WDFY4: variants seen among roughly 807,000 people sequenced by gnomAD.
WDFY4 encodes the protein WD repeat- and FYVE domain-containing protein 4.
In WDFY4, 169 loss-of-function variants were observed where a neutral mutation model predicts 351.9. That is an observed-to-expected ratio of 0.48 (90% CI 0.42 to 0.55). WDFY4 has a LOEUF of 0.55. Ranked by LOEUF, WDFY4 falls within the 20% of genes least tolerant of loss-of-function variation. The pLI, the probability that WDFY4 is intolerant of heterozygous loss-of-function variation, is 0.00. For missense variants in WDFY4, 3,803 were observed against 3,935.6 expected (o/e 0.97, Z 0.90); for synonymous variants, 1,622 against 1,574.6 (o/e 1.03, Z -0.71).
At chr10:48,842,233 AG>A (rs1486609355) in intron 39 of WDFY4, among the ~76,000 whole-genome samples, 1 of 151,960 alleles carries the variant, frequency 6.6e-6, no homozygotes, top group Non-Finnish European at 1.5e-5. Context: ...GACTCTGAAT[AG>A]AACTGGCAGA....
intron 2 of WDFY4, among the ~76,000 whole-genome samples, chr10:48,712,257 G>T (rs894134941): frequency 2.6e-5 from 4 of 152,234 alleles, no homozygotes; most frequent in Non-Finnish European, 4.4e-5. Flanking sequence ...ATTTCAATGA[G>T]AAACCATGAG....
chr10:48,778,599 G>T lies in WDFY4; in HGVS notation c.3176-12G>T. The T allele has an allele frequency of 6.5e-7, 1 of 1,549,862 alleles. No individual in the cohort carries two copies. The highest frequency in any genetic ancestry group is 8.7e-7 in the Non-Finnish European group (1 of 1,146,884). On this transcript the variant is annotated splice_polypyrimidine_tract_variant and intron_variant, in intron 17 of 61. Transcript: ENST00000325239. ...GAACAAAGCCTGAGGGCATGCCTGT[G>T]TTCCCACCCAGGTGCCACCAGACCG...
intron 20 of WDFY4, 116 bp from the exon 21 acceptor site, chr10:48,788,414 T>C: frequency 7.8e-7 from 1 of 1,280,986 alleles, no homozygotes; most frequent in Non-Finnish European, 1.1e-6. Context: ...TGTGACAACA[T>C]ACAAACATCC....
chr10:48,929,374 G>A (rs1839849124), intron 47 of WDFY4, among the ~76,000 whole-genome samples: 1 of 152,202 alleles, frequency 6.6e-6, no homozygotes. Flanking sequence ...ATAGCCTCTA[G>A]GCTCCAGCAG....
Position 48,810,702 on chromosome 10 carries a change from G to T in WDFY4, c.5011G>T (p.Glu1671Ter). The T allele has an allele frequency of 6.5e-7, 1 of 1,548,852 alleles. No homozygotes were observed. The highest frequency in any genetic ancestry group is 1.2e-5 in the South Asian group (1 of 83,696). ...RDGLCAGSWVERSTEGVDIVM... is the reference protein window; with the variant it reads ...RDGLCAGSWV ...TGGCCTGTGTGCAGGATCCTGGGTG[G>T]AACGCAGCACTGAGGGCGTGGATAT... The change falls in exon 29 of 62, where the codon GAA (glutamate) becomes TAA (stop). Residue 1671 changes from glutamate (E) to a stop codon, truncating the protein, a stop_gained. Transcript: ENST00000325239. LOFTEE classifies it high-confidence loss of function.
At chr10:48,698,602 G>A (rs947171619) in intron 1 of WDFY4, among the ~76,000 whole-genome samples, 5 of 152,204 alleles carry the variant, frequency 3.3e-5, no homozygotes, top group Non-Finnish European at 5.9e-5. Flanking sequence ...TCTCAGTGGG[G>A]GAGACGGATT....
In WDFY4 at chr10:48,727,457, T is replaced by G; in HGVS notation, c.782-13T>G. 6.4e-7 allele frequency: 1 copy of G among 1,551,184 alleles called. No individual in the cohort carries two copies. The highest frequency in any genetic ancestry group is 1.2e-5 in the South Asian group (1 of 84,018). ...CAAGCTCAGCAGGTCTCTCCTGTGC[T>G]TCCCTCCTGCAGCCACAGACTGTGT... is the stretch of plus-strand genomic sequence containing the variant. On this transcript the variant is annotated splice_polypyrimidine_tract_variant and intron_variant, in intron 6 of 61. Transcript: ENST00000325239.
At chr10:48,734,412 G>A (rs1378852165) in intron 10 of WDFY4, among the ~76,000 whole-genome samples, 1 of 151,868 alleles carries the variant, frequency 6.6e-6, no homozygotes, top group African/African-American at 2.4e-5. Context: ...TTAAAGAAAT[G>A]CAATTTGTTG....
chr10:48,709,602 G>A (rs1437854233), intron 1 of WDFY4, 114 bp from the exon 2 acceptor site: 3 of 886,700 alleles, frequency 3.4e-6, no homozygotes, highest in Non-Finnish European at 5.1e-6. Context: ...CAGATTCTTA[G>A]GGGAACCATT....
intron 43 of WDFY4, among the ~76,000 whole-genome samples, chr10:48,886,672 C>T (rs2671710): frequency 0.61 from 93,483 of 152,042 alleles, 29,141 homozygotes; most frequent in Non-Finnish European, 0.66. Context: ...ACATTTATCT[C>T]TATAAATTAC....
chr10:48,930,757 T>C (rs1839946265), intron 47 of WDFY4, among the ~76,000 whole-genome samples: 1 of 152,090 alleles, frequency 6.6e-6, no homozygotes, highest in Admixed American at 6.5e-5. Context: ...TGTGTAATCA[T>C]AGAATGAAAT....
At chr10:48,943,957 C>T (rs1239637412) in intron 49 of WDFY4, among the ~76,000 whole-genome samples, 1 of 152,160 alleles carries the variant, frequency 6.6e-6, no homozygotes, top group South Asian at 2.1e-4. Flanking sequence ...GTCCTGGATC[C>T]CCCTGTGGAA....
intron 29 of WDFY4, among the ~76,000 whole-genome samples, chr10:48,810,978 C>G (rs2067426077): frequency 6.6e-6 from 1 of 152,158 alleles, no homozygotes; most frequent in Non-Finnish European, 1.5e-5. Context: ...CCTGCTTAGC[C>G]CTGTTCTCCT....
At chr10:48,787,955 T>C (rs2066529925) in intron 20 of WDFY4, among the ~76,000 whole-genome samples, 1 of 124,412 alleles carries the variant, frequency 8.0e-6, no homozygotes, top group Non-Finnish European at 1.6e-5. Context: ...CTTCTTCTTC[T>C]TCTTCTTCTT....
chr10:48,744,998 T>C (rs1217002098), intron 12 of WDFY4, among the ~76,000 whole-genome samples: 1 of 152,216 alleles, frequency 6.6e-6, no homozygotes, highest in African/African-American at 2.4e-5. Flanking sequence ...ACTTTGACTT[T>C]TCCTGTTTCT....
intron 47 of WDFY4, among the ~76,000 whole-genome samples, chr10:48,906,010 G>A (rs900879062): frequency 2.0e-5 from 3 of 152,186 alleles, no homozygotes; most frequent in Non-Finnish European, 4.4e-5. Flanking sequence ...GGCAGTGGTG[G>A]CCCTCAGCCT....
Position 48,931,902 on chromosome 10 carries a change from G to A in WDFY4, c.7587-9904G>A, listed in dbSNP as rs373426588. Among the ~76,000 whole-genome samples the A allele has an allele frequency of 9.2e-5, 14 of 152,270 alleles. No homozygotes were observed. In the East Asian group the frequency reaches 1.5e-3, roughly 17 times the overall value. On this transcript the variant is annotated intron_variant, in intron 47 of 61. Transcript: ENST00000325239. ...TTGAGAATGATGTGGTCAGGACAGG[G>A]CAGCACCCTGGCAGCTTCTAGATAG... is the stretch of plus-strand genomic sequence containing the variant.
chr10:48,978,619 C>A, intron 60 of WDFY4: 2 of 491,036 alleles, frequency 4.1e-6, no homozygotes. Context: ...ATAACCTAAC[C>A]ATAGACACTG....
Position 48,787,809 on chromosome 10 carries a change from C to T in WDFY4, c.3809-721C>T, listed in dbSNP as rs1589608136. Among the ~76,000 whole-genome samples the T allele has an allele frequency of 9.9e-5, 9 of 90,554 alleles. 1 individual carries two copies. In the South Asian group the frequency reaches 2.7e-3, roughly 27 times the overall value. The allele number at this position is 90,554 out of a possible 152,430, so 59.4% of individuals were successfully genotyped here. A position where few individuals can be genotyped will look rare whatever the true frequency, so the allele number is the denominator to read the frequency against. ...TCTTCCTCCTCCTCCTCCTCCTCCTCTTCTTCTTCTTCTTCTTCTTCTTCT... is the reference window on the plus strand; with the variant it reads ...TCTTCCTCCTCCTCCTCCTCCTCCTTTTCTTCTTCTTCTTCTTCTTCTTCT... On this transcript the variant is annotated intron_variant, in intron 20 of 61. Transcript: ENST00000325239.
Sources: gnomAD v4.1 joint callset for allele counts (sites outside exome capture counted in the v4.1 genomes callset) on GRCh38, gnomAD v4.1.1 for gene constraint, MANE v1.5 for transcripts, NCBI Gene and HGNC (gene_info 2026-07-23, HGNC 2026-07-21) for gene names.